The following HDAC8 variants were observed in gnomAD, a reference collection of about 807,000 sequenced individuals.
HDAC8 encodes histone deacetylase 8, also known as histone deacetylase-like 1.
HDAC8 carries 1 observed loss-of-function variant against 32.2 expected under a neutral mutation model. That is an observed-to-expected ratio of 0.03 (90% CI 0.01 to 0.15). The LOEUF (loss-of-function observed/expected upper bound fraction) is 0.15, where lower values mean the gene tolerates loss of function less well. HDAC8 is among the 10% of genes least tolerant of loss of function. The probability of loss-of-function intolerance (pLI) is 1.00; values close to 1 mark genes in which losing one functional copy is unlikely to be tolerated. For synonymous variants in HDAC8, 108 were observed against 113.9 expected, an observed-to-expected ratio of 0.95 and a Z score of 0.33; for missense variants, 117 against 300.0, an observed-to-expected ratio of 0.39 and a Z score of 4.51.
intron 9 of HDAC8, among the ~76,000 whole-genome samples, chrX:72,459,749 T>C (rs2047818043): frequency 9.0e-6 from 1 of 111,352 alleles, no homozygotes; most frequent in Non-Finnish European, 1.9e-5. Flanking sequence ...TGAATTTCTC[T>C]CTTTGCATCT....
chrX:72,405,268 A>C (rs2046006466), intron 9 of HDAC8, among the ~76,000 whole-genome samples: 1 of 111,939 alleles, frequency 8.9e-6, no homozygotes, highest in Non-Finnish European at 1.9e-5. Context: ...GCTAAGGATA[A>C]TGGCTTCCAG....
At chrX:72,447,014 A>G (rs918556902) in intron 9 of HDAC8, among the ~76,000 whole-genome samples, 1 of 112,078 alleles carries the variant, frequency 8.9e-6, no homozygotes, top group African/African-American at 3.2e-5. Context: ...AGAGGTACAA[A>G]GAGGAGCTGG....
chrX:72,353,507 C>T (rs1482360770), intron 9 of HDAC8, among the ~76,000 whole-genome samples: 1 of 111,572 alleles, frequency 9.0e-6, no homozygotes, highest in African/African-American at 3.3e-5. Flanking sequence ...GTGGAACAGA[C>T]AAGAGAGGTT....
At chrX:72,443,487 G>A (rs1369168832) in intron 9 of HDAC8, among the ~76,000 whole-genome samples, 9 of 110,959 alleles carry the variant, frequency 8.1e-5, no homozygotes, top group African/African-American at 2.6e-4. Flanking sequence ...TTGAAACCAA[G>A]GAGAACAGAG....
intron 4 of HDAC8, among the ~76,000 whole-genome samples, chrX:72,539,921 C>T (rs1398341034): frequency 8.9e-6 from 1 of 112,313 alleles, no homozygotes. Context: ...GCAGTGAAAT[C>T]CCCATGTACA....
rs185183278 is a variant in HDAC8, at chrX:72,563,358, C to A, written c.437+4531G>T. Among the ~76,000 whole-genome samples the A allele has an allele frequency of 1.4e-3, 157 of 110,732 alleles. 1 individual carries two copies. Among genetic ancestry groups the A allele is most frequent in the Middle Eastern group, 4.7e-3 (1 of 214 alleles). On this transcript the variant is annotated intron_variant, in intron 4 of 10. Transcript: ENST00000373573. ...TTGAGCCCAGGAGTTAGAGACCAGC[C>A]TGGACAACATGGCAAGACCCCATCT...
chrX:72,423,909 T>A (rs781994036), intron 9 of HDAC8, among the ~76,000 whole-genome samples: 1 of 111,920 alleles, frequency 8.9e-6, no homozygotes, highest in African/African-American at 3.2e-5. Flanking sequence ...TCCTGAGAAA[T>A]CTCTGCTGTT....
chrX:72,486,936 GA>G (rs2048695584), intron 7 of HDAC8, among the ~76,000 whole-genome samples: 2 of 110,923 alleles, frequency 1.8e-5, no homozygotes, highest in Non-Finnish European at 3.8e-5. Context: ...GGAAAGCAAA[GA>G]AAAAAAATTA....
Position 72,517,930 on chromosome X carries a change from G to A in HDAC8, c.438-22662C>T, listed in dbSNP as rs782455536. On this transcript the variant is annotated intron_variant, in intron 4 of 10. Coordinates refer to ENST00000373573, the MANE Select transcript of HDAC8 (RefSeq NM_018486.3). ...TGTCAATTTCTACAACAAGCCAGCT[G>A]GAATTTTGATAGAGATTGTGTTGAA... is the stretch of plus-strand genomic sequence containing the variant. 1.4e-3 allele frequency among the ~76,000 whole-genome samples: 155 copies of A among 111,485 alleles called. 2 individuals are homozygous for A. The highest frequency in any genetic ancestry group is 4.9e-3 in the African/African-American group (151 of 30,731).
intron 9 of HDAC8, among the ~76,000 whole-genome samples, chrX:72,443,901 C>T (rs1220221007): frequency 5.5e-5 from 6 of 108,994 alleles, no homozygotes; most frequent in Non-Finnish European, 7.6e-5. Context: ...GAGAATACTA[C>T]AAACACCTCT....
At chrX:72,385,183 G>C (rs1198218264) in intron 9 of HDAC8, among the ~76,000 whole-genome samples, 3 of 111,880 alleles carry the variant, frequency 2.7e-5, no homozygotes, top group African/African-American at 9.7e-5. Context: ...CTTGGAAAAG[G>C]CTGGGTGCAG....
intron 4 of HDAC8, among the ~76,000 whole-genome samples, chrX:72,515,587 T>TGGGGGGGG (rs61675419): frequency 5.3e-4 from 18 of 33,707 alleles, no homozygotes; most frequent in East Asian, 8.9e-4. Context: ...TCAGTGTGTG[T>TGGGGGGGG]GGGGGGGGGG....
chrX:72,516,629 C>T (rs1951909046), intron 4 of HDAC8, among the ~76,000 whole-genome samples: 1 of 111,164 alleles, frequency 9.0e-6, no homozygotes, highest in Non-Finnish European at 1.9e-5. Context: ...CAGCCAAGTG[C>T]TTTTGGAAAA....
At chrX:72,525,924 A>G (rs1480888970) in intron 4 of HDAC8, among the ~76,000 whole-genome samples, 3 of 106,850 alleles carry the variant, frequency 2.8e-5, no homozygotes, top group Non-Finnish European at 5.8e-5. Flanking sequence ...AGCTCTGACC[A>G]TGTCACTCTC....
intron 4 of HDAC8, among the ~76,000 whole-genome samples, chrX:72,522,313 G>A (rs908175376): frequency 7.1e-5 from 8 of 112,383 alleles, no homozygotes; most frequent in African/African-American, 2.6e-4. Context: ...TCTCTGTTTG[G>A]TATTTCTTTC....
intron 10 of HDAC8, among the ~76,000 whole-genome samples, chrX:72,342,817 A>C (rs923899827): frequency 2.7e-5 from 3 of 111,592 alleles, no homozygotes; most frequent in Non-Finnish European, 1.9e-5. Flanking sequence ...TATCTTCCGC[A>C]CTTACCTGCT....
At chrX:72,377,849 T>C (rs1253301573) in intron 9 of HDAC8, among the ~76,000 whole-genome samples, 1 of 111,648 alleles carries the variant, frequency 9.0e-6, no homozygotes, top group Non-Finnish European at 1.9e-5. Flanking sequence ...GCCACAATGC[T>C]ACTTGTTCTC....
intron 5 of HDAC8, among the ~76,000 whole-genome samples, chrX:72,494,669 C>T (rs1210820007): frequency 9.0e-6 from 1 of 111,650 alleles, no homozygotes; most frequent in Non-Finnish European, 1.9e-5. Context: ...CCTGTTTGTA[C>T]GGCACTAAAT....
At chrX:72,444,327 G>C (rs1555983554) in intron 9 of HDAC8, among the ~76,000 whole-genome samples, 1 of 109,955 alleles carries the variant, frequency 9.1e-6, no homozygotes, top group African/African-American at 3.3e-5. Context: ...ACATCAAAAA[G>C]CTTATCCACC....
Sources: gnomAD v4.1 joint callset for allele counts (sites outside exome capture counted in the v4.1 genomes callset) on GRCh38, gnomAD v4.1.1 for gene constraint, MANE v1.5 for transcripts, NCBI Gene and HGNC (gene_info 2026-07-23, HGNC 2026-07-21) for gene names.